Variants in ZNF407 observed in about 807,000 individuals in gnomAD.
The protein encoded by ZNF407 is zinc finger protein 407.
A neutral mutation model predicts 131.2 loss-of-function variants in ZNF407; 17 were observed. That is an observed-to-expected ratio of 0.13 (90% CI 0.09 to 0.19). The LOEUF (loss-of-function observed/expected upper bound fraction) is 0.19, where lower values mean the gene tolerates loss of function less well. Among genes scored for constraint, ZNF407 ranks in the 10% least tolerant of loss-of-function variants. The probability of loss-of-function intolerance (pLI) is 1.00; values close to 1 mark genes in which losing one functional copy is unlikely to be tolerated. For missense variants in ZNF407, 2,681 were observed against 2,830.6 expected, an observed-to-expected ratio of 0.95 and a Z score of 1.20; for synonymous variants, 1,156 against 1,062.0, an observed-to-expected ratio of 1.09 and a Z score of -1.72.
At chr18:74,786,651 C>T (rs927879535) in intron 4 of ZNF407, among the ~76,000 whole-genome samples, 3 of 151,804 alleles carry the variant, frequency 2.0e-5, no homozygotes, top group Admixed American at 6.6e-5. Context: ...GGTTATATTT[C>T]GATGACGTAC....
In ZNF407 at chr18:74,668,135, C is replaced by T. The variant is rs544817628; in HGVS notation, c.4802+27013C>T. ...AAGGTTTCTGAGTGCCAATATGACA[C>T]CACCCGGGGAACATTTTCCACCTAA... On this transcript the variant is annotated intron_variant, in intron 3 of 8. Transcript: ENST00000299687. 9.2e-5 allele frequency among the ~76,000 whole-genome samples: 14 copies of T among 152,242 alleles called. No individual in the cohort carries two copies. The South Asian group carries it at 2.9e-3, about 32-fold the overall frequency.
intron 3 of ZNF407, among the ~76,000 whole-genome samples, chr18:74,731,115 T>C (rs1462957897): frequency 3.3e-5 from 5 of 152,226 alleles, no homozygotes; most frequent in African/African-American, 1.2e-4. Flanking sequence ...TTGATTTTTC[T>C]TGAAACTCTG....
chr18:74,630,836 T>C (rs1228320040), intron 1 of ZNF407, 131 bp from the exon 2 acceptor site: 1 of 584,702 alleles, frequency 1.7e-6, no homozygotes, highest in Non-Finnish European at 2.7e-6. Context: ...ACTTTAGACA[T>C]GTAATCAAAT....
chr18:74,615,347 A>G (rs1250512352), intron 1 of ZNF407, among the ~76,000 whole-genome samples: 1 of 152,204 alleles, frequency 6.6e-6, no homozygotes, highest in Non-Finnish European at 1.5e-5. Flanking sequence ...TCTACTAAAA[A>G]TACAAAAATT....
chr18:74,676,158 C>G (rs1045229780), intron 3 of ZNF407, among the ~76,000 whole-genome samples: 8 of 151,520 alleles, frequency 5.3e-5, no homozygotes, highest in African/African-American at 1.9e-4. Flanking sequence ...GTGGCACGAT[C>G]TCGGCTCACT....
intron 3 of ZNF407, among the ~76,000 whole-genome samples, chr18:74,769,861 A>G (rs1490979120): frequency 1.3e-5 from 2 of 152,220 alleles, no homozygotes; most frequent in African/African-American, 4.8e-5. Flanking sequence ...TAATTGAAAA[A>G]TAATGCAGCA....
intron 7 of ZNF407, among the ~76,000 whole-genome samples, chr18:74,899,916 G>A (rs564562337): frequency 1.7e-3 from 261 of 152,366 alleles, no homozygotes; most frequent in African/African-American, 6.2e-3. Flanking sequence ...GGTGTTCACA[G>A]AAACTTTGCC....
intron 3 of ZNF407, among the ~76,000 whole-genome samples, chr18:74,771,128 A>G (rs1969351392): frequency 6.6e-6 from 1 of 152,164 alleles, no homozygotes; most frequent in Admixed American, 6.6e-5. Context: ...TGGATTCTGT[A>G]TGGTAATTAA....
At chr18:75,020,528 T>G (rs1279538636) in intron 8 of ZNF407, among the ~76,000 whole-genome samples, 1 of 152,184 alleles carries the variant, frequency 6.6e-6, no homozygotes, top group Non-Finnish European at 1.5e-5. Context: ...CTGCTCATAA[T>G]TTCTTCTATG....
intron 3 of ZNF407, among the ~76,000 whole-genome samples, chr18:74,738,422 GAAAAAAAAAAAAAA>G (rs10602546): frequency 4.6e-5 from 3 of 65,724 alleles, no homozygotes; most frequent in African/African-American, 2.2e-4. Flanking sequence ...TCTGTCTCAA[GAAAAAAAAAAAAAA>G]AAAAAAAAAA....
rs186982729 is a variant in ZNF407, at chr18:74,991,532, A to G, written c.5428+70840A>G. Among the ~76,000 whole-genome samples the G allele has an allele frequency of 1.1e-4, 16 of 152,354 alleles. No homozygotes were observed. In the East Asian group the frequency reaches 2.5e-3, roughly 24 times the overall value. ...ATTTTTCTATTTAAAATGGGCTGCT[A>G]GCATTATAGCATATACATATATATT... On this transcript the variant is annotated intron_variant, in intron 8 of 8. Transcript: ENST00000299687.
At chr18:74,879,268 A>T (rs9963355) in intron 5 of ZNF407, among the ~76,000 whole-genome samples, 1 of 151,976 alleles carries the variant, frequency 6.6e-6, no homozygotes, top group Non-Finnish European at 1.5e-5. Flanking sequence ...TGAATCCAGA[A>T]GTCCTAAGAT....
At position 75,065,333 on chromosome 18, in the gene ZNF407, AT is replaced by A. The variant is rs1318727046; in HGVS notation, c.*870del. ...ACAAGGGTTTGTTCATATTGATGCC[AT>A]TTTTGCAGGATTTCTTCGTGATTTC... On this transcript the variant is annotated 3_prime_UTR_variant, in exon 9 of 9. Transcript: ENST00000299687. 1.3e-5 allele frequency: 2 copies of A among 152,306 alleles called. No homozygotes were observed. The highest frequency in any genetic ancestry group is 2.1e-4 in the South Asian group (1 of 4,826). 9.4% of individuals were successfully genotyped at this position (152,306 alleles called of 1,614,324 possible).
chr18:74,749,642 AC>A (rs368752429), intron 3 of ZNF407, among the ~76,000 whole-genome samples: 47 of 152,316 alleles, frequency 3.1e-4, no homozygotes, highest in African/African-American at 1.0e-3. Context: ...GAGATGCCTT[AC>A]CACAAATTTC....
chr18:74,730,673 G>A (rs1248007324), intron 3 of ZNF407, among the ~76,000 whole-genome samples: 3 of 152,032 alleles, frequency 2.0e-5, no homozygotes, highest in South Asian at 2.1e-4. Flanking sequence ...ACAATTCTTC[G>A]AAGACCCTTG....
At chr18:74,685,939 G>T (rs1290634622) in intron 3 of ZNF407, among the ~76,000 whole-genome samples, 1 of 152,122 alleles carries the variant, frequency 6.6e-6, no homozygotes, top group African/African-American at 2.4e-5. Flanking sequence ...TCTTCTTCGG[G>T]CATAGATCTT....
At chr18:75,035,959 C>T (rs1019128101) in intron 8 of ZNF407, among the ~76,000 whole-genome samples, 3 of 152,168 alleles carry the variant, frequency 2.0e-5, no homozygotes, top group Non-Finnish European at 4.4e-5. Flanking sequence ...TAATAGAAAA[C>T]AAAGAAACCA....
intron 3 of ZNF407, among the ~76,000 whole-genome samples, chr18:74,725,488 T>C (rs575956033): frequency 3.3e-5 from 5 of 152,334 alleles, no homozygotes; most frequent in African/African-American, 9.6e-5. Context: ...GTAGTTTCTT[T>C]AGTATATCAC....
intron 8 of ZNF407, among the ~76,000 whole-genome samples, chr18:75,022,924 T>C (rs1029954678): frequency 2.6e-5 from 4 of 151,994 alleles, no homozygotes; most frequent in Non-Finnish European, 5.9e-5. Flanking sequence ...AGACACGGAG[T>C]TGACCCAGAT....
Sources: gnomAD v4.1 joint callset for allele counts (sites outside exome capture counted in the v4.1 genomes callset) on GRCh38, gnomAD v4.1.1 for gene constraint, MANE v1.5 for transcripts, NCBI Gene and HGNC (gene_info 2026-07-23, HGNC 2026-07-21) for gene names.